The following CATSPERD variants were observed in gnomAD, a reference collection of about 807,000 sequenced individuals.
CATSPERD encodes the protein cation channel sperm-associated auxiliary subunit delta.
In CATSPERD, 86 loss-of-function variants were observed where a neutral mutation model predicts 98.1. The observed-to-expected ratio is 0.88, with a 90% CI of 0.74 to 1.05. CATSPERD has a LOEUF of 1.05. Ranked by LOEUF, CATSPERD falls within the 50% of genes least tolerant of loss-of-function variation. The pLI is 0.00. For synonymous variants in CATSPERD, 394 were observed against 390.2 expected, an observed-to-expected ratio of 1.01 and a Z score of -0.12; for missense variants, 995 against 1,005.7, an observed-to-expected ratio of 0.99 and a Z score of 0.14.
chr19:5,726,916 G>A (rs541738028), intron 2 of CATSPERD, among the ~76,000 whole-genome samples: 10 of 152,180 alleles, frequency 6.6e-5, no homozygotes, highest in South Asian at 6.2e-4. Context: ...ATTTCTGGCC[G>A]GACGTGGTGG....
chr19:5,746,574 G>C (rs987124838), intron 9 of CATSPERD, among the ~76,000 whole-genome samples: 1 of 151,876 alleles, frequency 6.6e-6, no homozygotes, highest in South Asian at 2.1e-4. Context: ...GACTACAGGC[G>C]CCCAGCACCA....
Position 5,720,806 on chromosome 19 carries a change from T to C in CATSPERD, c.69T>C (p.Cys23=). Residue 23 remains cysteine (C), a splice_region_variant and synonymous_variant, in exon 1 of 22, where the codon TGT becomes TGC. Transcript: ENST00000381624. ...WLRPLVTAQL[C]RSRTVRTGKV... is the part of the protein sequence containing the mutation. ...GACCGCTGGTCACAGCTCAGCTCTGTCGGTGGGGCTGCCAGGACTCCTGGG... is the reference window on the plus strand; with the variant it reads ...GACCGCTGGTCACAGCTCAGCTCTGCCGGTGGGGCTGCCAGGACTCCTGGG... 6.3e-7 allele frequency: 1 copy of C among 1,598,778 alleles called. No individual in the cohort carries two copies. The highest frequency in any genetic ancestry group is 8.5e-7 in the Non-Finnish European group (1 of 1,178,536).
chr19:5,770,950 C>T lies in CATSPERD; in HGVS notation c.1641C>T (p.Phe547=), dbSNP rs1480315063. 1.1e-5 allele frequency: 18 copies of T among 1,607,250 alleles called. No individual in the cohort carries two copies. Among genetic ancestry groups the T allele is most frequent in the Non-Finnish European group, 1.1e-5 (13 of 1,177,104 alleles). ...GCTTCTTGGTGTCTTGAAGGGAATT[C>T]TACGACCCCGGCTTCCAGGGGCAGC... ...DNYSFIIEKE[F]YDPGFQGQQS... The change falls in exon 19 of 22, where the codon TTC becomes TTT. Residue 547 remains phenylalanine (F), a synonymous_variant. Coordinates refer to ENST00000381624, the MANE Select transcript of CATSPERD (RefSeq NM_152784.4).
At chr19:5,743,813 A>C (rs3097891) in intron 7 of CATSPERD, among the ~76,000 whole-genome samples, 2 of 151,276 alleles carry the variant, frequency 1.3e-5, no homozygotes, top group African/African-American at 2.4e-5. Context: ...TTCCTGTTCC[A>C]AGTCAGCTGC....
intron 17 of CATSPERD, among the ~76,000 whole-genome samples, chr19:5,767,931 C>T (rs2056573281): frequency 6.6e-6 from 1 of 151,940 alleles, no homozygotes; most frequent in South Asian, 2.1e-4. Context: ...CAAGAAGCTG[C>T]GATTAGAGGC....
intron 16 of CATSPERD, 25 bp downstream of exon 16, chr19:5,763,318 C>T (rs72983161): frequency 0.025 from 39,420 of 1,588,786 alleles, 572 homozygotes; most frequent in Middle Eastern, 0.029. Context: ...TTTGCTGTCC[C>T]ATATTCGGTG....
At chr19:5,721,464 A>AT (rs1204167266) in intron 1 of CATSPERD, among the ~76,000 whole-genome samples, 2 of 152,058 alleles carry the variant, frequency 1.3e-5, no homozygotes, top group African/African-American at 4.8e-5. Context: ...ACATTTTGAA[A>AT]TTTCAGTAAA....
intron 10 of CATSPERD, 122 bp from the exon 11 acceptor site, chr19:5,748,979 C>T (rs10418944): frequency 1.4e-5 from 9 of 661,442 alleles, no homozygotes; most frequent in Non-Finnish European, 2.3e-5. Flanking sequence ...ATCCACCCCC[C>T]TCGGCCTCTC....
At chr19:5,722,868 C>T (rs2055520906) in intron 1 of CATSPERD, among the ~76,000 whole-genome samples, 1 of 152,042 alleles carries the variant, frequency 6.6e-6, no homozygotes, top group African/African-American at 2.4e-5. Context: ...TCATAATTTT[C>T]CTCAGCTGGG....
chr19:5,735,239 G>T (rs531017402), intron 5 of CATSPERD, among the ~76,000 whole-genome samples: 1 of 152,250 alleles, frequency 6.6e-6, no homozygotes, highest in African/African-American at 2.4e-5. Context: ...CTGGGTTCAA[G>T]CGATTCTCCT....
At chr19:5,741,132 C>T (rs967163433) in intron 7 of CATSPERD, among the ~76,000 whole-genome samples, 17 of 150,130 alleles carry the variant, frequency 1.1e-4, no homozygotes, top group Non-Finnish European at 1.3e-4. Flanking sequence ...GTAAAGGCAA[C>T]ACATTAACTT....
chr19:5,751,290 C>T (rs1461931866), intron 11 of CATSPERD, among the ~76,000 whole-genome samples: 1 of 145,394 alleles, frequency 6.9e-6, no homozygotes, highest in East Asian at 2.0e-4. Flanking sequence ...TTTCAGAGGC[C>T]GAGGCGGGCG....
At chr19:5,727,223 T>C in intron 2 of CATSPERD, 45 bp from the exon 3 acceptor site, 2 of 1,429,330 alleles carry the variant, frequency 1.4e-6, no homozygotes, top group Non-Finnish European at 2.0e-6. Flanking sequence ...CTATCAGCTG[T>C]TTATGGTTAT....
At position 5,770,999 on chromosome 19, in the gene CATSPERD, T is replaced by C. The variant is rs749839049; in HGVS notation, c.1690T>C (p.Phe564Leu). 3.7e-6 allele frequency: 6 copies of C among 1,613,948 alleles called. No homozygotes were observed. Among genetic ancestry groups the C allele is most frequent in the Non-Finnish European group, 5.1e-6 (6 of 1,179,944 alleles). Residue 564 changes from phenylalanine (F) to leucine (L), a missense_variant, in exon 19 of 22, where the codon TTT becomes CTT. Phe to Leu is a conservative substitution (Grantham distance 22). Transcript: ENST00000381624. ...GCAGTCCTCCGAGGACCTGCACGTG[T>C]TTTACTCCTACCAGCAGCTGGGCTG... ...GQQSSEDLHV[F>L]YSYQQLGCPL...
At chr19:5,729,767 A>C (rs1182379370) in intron 3 of CATSPERD, 105 bp from the exon 4 acceptor site, 3 of 655,068 alleles carry the variant, frequency 4.6e-6, no homozygotes, top group East Asian at 5.4e-5. Context: ...TCCTGGTTAC[A>C]ATACAAATTT....
rs559260276 is a variant in CATSPERD at position 5,764,385 on chromosome 19, G to A, written c.1506+1092G>A. Reference sequence around the variant, plus strand: ...GGTTGGAGTGCAGTGGTGCGATCTCGGCTCACTGCAAGCTCCACCTCCCGG... The same window carrying A: ...GGTTGGAGTGCAGTGGTGCGATCTCAGCTCACTGCAAGCTCCACCTCCCGG... On this transcript the variant is annotated intron_variant, in intron 16 of 21. Transcript: ENST00000381624. 1.5e-3 allele frequency among the ~76,000 whole-genome samples: 230 copies of A among 151,594 alleles called. 4 individuals are homozygous for A. Among genetic ancestry groups the A allele is most frequent in the African/African-American group, 5.2e-3 (215 of 41,314 alleles).
intron 2 of CATSPERD, among the ~76,000 whole-genome samples, chr19:5,725,698 C>T: frequency 6.6e-6 from 1 of 151,964 alleles, no homozygotes; most frequent in Non-Finnish European, 1.5e-5. Context: ...GTCAGGAGTT[C>T]AAGACCAGCC....
intron 6 of CATSPERD, among the ~76,000 whole-genome samples, chr19:5,738,473 A>G (rs927881140): frequency 2.0e-4 from 30 of 152,190 alleles, no homozygotes; most frequent in African/African-American, 7.0e-4. Flanking sequence ...CGCAGGTTAT[A>G]GTGAGCTGAG....
chr19:5,742,490 A>G (rs1407305097), intron 7 of CATSPERD, among the ~76,000 whole-genome samples: 2 of 152,088 alleles, frequency 1.3e-5, no homozygotes, highest in Non-Finnish European at 2.9e-5. Context: ...TATCAATTGT[A>G]TATATTGACG....
Sources: allele counts gnomAD v4.1 joint callset (sites outside exome capture counted in the v4.1 genomes callset), GRCh38; gene constraint gnomAD v4.1.1; transcripts MANE v1.5; gene names NCBI Gene and HGNC (gene_info 2026-07-23, HGNC 2026-07-21).